The following QSER1 variants were observed in gnomAD, a reference collection of about 807,000 sequenced individuals.
QSER1 encodes glutamine and serine-rich protein 1.
In QSER1, 49 loss-of-function variants were observed where a neutral mutation model predicts 158.5. That is an observed-to-expected ratio of 0.31 (90% CI 0.25 to 0.39). The LOEUF (loss-of-function observed/expected upper bound fraction) is 0.39. Among genes scored for constraint, QSER1 ranks in the 10% least tolerant of loss-of-function variants. The pLI, the probability that QSER1 is intolerant of heterozygous loss-of-function variation, is 1.00. For synonymous variants in QSER1, 650 were observed against 715.5 expected (o/e 0.91, Z 1.46); for missense variants, 1,754 against 2,010.3 (o/e 0.87, Z 2.44).
rs1590168533 is a variant in QSER1 at position 32,935,403 on chromosome 11, T to C, written c.4145T>C (p.Leu1382Ser). The C allele has an allele frequency of 6.5e-7, 1 of 1,539,942 alleles. No individual in the cohort carries two copies. The highest frequency in any genetic ancestry group is 8.7e-7 in the Non-Finnish European group (1 of 1,151,482). ...YKSVSTPLTT[L>S]DATSDKKKKT... ...AGCGTCTCTACTCCCTTAACTACTT[T>C]GGATGCTACTTCTGATAAAAAGAAG... Residue 1382 changes from leucine (L) to serine (S), a missense_variant, in exon 4 of 13, where the codon TTG becomes TCG. Physicochemically the swap from Leu to Ser is moderately radical, Grantham distance 145. Coordinates refer to ENST00000650167, the MANE Select transcript of QSER1 (RefSeq NM_001076786.3).
At position 32,955,371 on chromosome 11, in the gene QSER1, G is replaced by A. The variant is rs1852493497; in HGVS notation, c.4576G>A (p.Glu1526Lys). The A allele has an allele frequency of 2.5e-6, 4 of 1,598,932 alleles. No homozygotes were observed. The highest frequency in any genetic ancestry group is 3.5e-5 in the Admixed American group (2 of 56,664). Residue 1526 changes from glutamate to lysine, a missense_variant, in exon 6 of 13, where the codon GAA (glutamate) becomes AAA (lysine). By Grantham distance (56) the Glu-to-Lys change is moderately conservative. This residue lies in a region of QSER1 where 1,707 missense variants were observed against 1,919.6 expected (regional missense o/e 0.89). Coordinates refer to ENST00000650167, the MANE Select transcript of QSER1 (RefSeq NM_001076786.3). Reference sequence around the variant, plus strand: ...AGCTTTATTACAGAAATTTGTTCCTGAAATTCGAGATGGTCAAAGAGAATT... The same window carrying A: ...AGCTTTATTACAGAAATTTGTTCCTAAAATTCGAGATGGTCAAAGAGAATT... ...QKALLQKFVP[E>K]IRDGQREFAA...
Position 32,933,073 on chromosome 11 carries a change from T to C in QSER1, c.1815T>C (p.Ser605=). The C allele has an allele frequency of 6.2e-7, 1 of 1,613,858 alleles. No homozygotes were observed. The highest frequency in any genetic ancestry group is 1.1e-5 in the South Asian group (1 of 91,084). ...TAACAGCCCCTTCTCTTTCTTATTC[T>C]TCTGCCTCTCGGGCTCAGAATTTGC... is the stretch of plus-strand genomic sequence containing the variant. The part of the protein sequence containing the change: ...LTLTAPSLSY[S]SASRAQNLPD... The change falls in exon 4 of 13, where the codon TCT becomes TCC. Residue 605 remains serine, a synonymous_variant. Transcript: ENST00000650167.
intron 1 of QSER1, among the ~76,000 whole-genome samples, chr11:32,920,318 T>C (rs1851884705): frequency 6.6e-6 from 1 of 152,214 alleles, no homozygotes; most frequent in East Asian, 1.9e-4. Flanking sequence ...CATTATACTT[T>C]GAGTAGCAAA....
At chr11:32,963,656 C>T (rs911801006) in intron 8 of QSER1, among the ~76,000 whole-genome samples, 11 of 150,868 alleles carry the variant, frequency 7.3e-5, no homozygotes, top group African/African-American at 2.4e-4. Flanking sequence ...CAGCCTTGCC[C>T]AGGCTCTTTT....
At chr11:32,962,558 G>C (rs1418760551) in intron 8 of QSER1, among the ~76,000 whole-genome samples, 1 of 151,968 alleles carries the variant, frequency 6.6e-6, no homozygotes, top group African/African-American at 2.4e-5. Flanking sequence ...TTGTTACTCA[G>C]CTTTTGTTCA....
chr11:32,904,548 A>G (rs1175705601), intron 1 of QSER1, among the ~76,000 whole-genome samples: 1 of 151,298 alleles, frequency 6.6e-6, no homozygotes, highest in Non-Finnish European at 1.5e-5. Context: ...TGGATGCTGT[A>G]TAATATGAAG....
At chr11:32,967,342 G>C (rs1039705720) in intron 9 of QSER1, among the ~76,000 whole-genome samples, 3 of 152,022 alleles carry the variant, frequency 2.0e-5, no homozygotes, top group Admixed American at 6.6e-5. Context: ...GGTGAGAAAG[G>C]GGTAAGGGAT....
chr11:32,930,139 T>C lies in QSER1; in HGVS notation c.485-1604T>C, dbSNP rs146410049. 3.5e-3 allele frequency among the ~76,000 whole-genome samples: 538 copies of C among 152,306 alleles called. 1 individual carries two copies. Among genetic ancestry groups the C allele is most frequent in the South Asian group, 7.0e-3 (34 of 4,826 alleles). ...TTTATTACTGTTTACTTATTATGTT[T>C]TAAACCCCCCACCGCAACACACACA... On this transcript the variant is annotated intron_variant, in intron 3 of 12. Coordinates refer to ENST00000650167, the MANE Select transcript of QSER1 (RefSeq NM_001076786.3).
At chr11:32,917,821 CAAA>C (rs371007117) in intron 1 of QSER1, among the ~76,000 whole-genome samples, 2 of 80,816 alleles carry the variant, frequency 2.5e-5, no homozygotes, top group Non-Finnish European at 4.4e-5. Context: ...GACTCTGTCT[CAAA>C]AAAAAAAAAA....
At chr11:32,938,297 A>G (rs975369119) in intron 4 of QSER1, among the ~76,000 whole-genome samples, 1 of 152,194 alleles carries the variant, frequency 6.6e-6, no homozygotes, top group African/African-American at 2.4e-5. Flanking sequence ...TTATACTGCA[A>G]TCATCTTTGT....
intron 8 of QSER1, among the ~76,000 whole-genome samples, chr11:32,960,525 C>T (rs1400296082): frequency 2.0e-5 from 3 of 152,102 alleles, no homozygotes; most frequent in East Asian, 1.9e-4. Flanking sequence ...CGCTATTGCA[C>T]TCCAGCCTTG....
intron 9 of QSER1, among the ~76,000 whole-genome samples, 186 bp from the exon 10 acceptor site, chr11:32,968,859 CT>C (rs1396253415): frequency 7.9e-5 from 12 of 152,190 alleles, no homozygotes; most frequent in African/African-American, 2.7e-4. Flanking sequence ...TCACTTGCTA[CT>C]ATAAACCTAC....
chr11:32,959,032 T>C (rs1184190647), intron 8 of QSER1, among the ~76,000 whole-genome samples: 1 of 152,216 alleles, frequency 6.6e-6, no homozygotes, highest in Non-Finnish European at 1.5e-5. Context: ...AAAACTGAGA[T>C]AGTTGTAATA....
intron 6 of QSER1, 42 bp downstream of exon 6, chr11:32,955,454 G>A: frequency 2.2e-6 from 2 of 919,706 alleles, no homozygotes; most frequent in Non-Finnish European, 3.4e-6. Context: ...TTTTGACAGT[G>A]GTCCTGAGAA....
intron 10 of QSER1, among the ~76,000 whole-genome samples, chr11:32,971,296 A>T (rs1852851197): frequency 6.6e-6 from 1 of 152,070 alleles, no homozygotes; most frequent in Non-Finnish European, 1.5e-5. Context: ...AATAGTAGAG[A>T]AAGAAAGATT....
chr11:32,917,052 G>A (rs1433668129), intron 1 of QSER1, among the ~76,000 whole-genome samples: 3 of 152,230 alleles, frequency 2.0e-5, no homozygotes, highest in Non-Finnish European at 2.9e-5. Flanking sequence ...CTCCCGCAGT[G>A]CTGGGATTAC....
At chr11:32,911,294 G>A (rs908121908) in intron 1 of QSER1, among the ~76,000 whole-genome samples, 9 of 152,068 alleles carry the variant, frequency 5.9e-5, no homozygotes, top group Non-Finnish European at 1.2e-4. Context: ...GGGGGTGGTG[G>A]GGGAAGACGG....
chr11:32,907,949 A>T (rs1388499783), intron 1 of QSER1, among the ~76,000 whole-genome samples: 1 of 152,082 alleles, frequency 6.6e-6, no homozygotes, highest in Non-Finnish European at 1.5e-5. Context: ...AAAAATACAT[A>T]ATTAGCTGAG....
At chr11:32,951,503 A>G (rs1461306103) in intron 4 of QSER1, among the ~76,000 whole-genome samples, 2 of 152,188 alleles carry the variant, frequency 1.3e-5, no homozygotes, top group African/African-American at 4.8e-5. Flanking sequence ...GGTTGATTCC[A>G]TAGGTCAGTT....
Sources: allele counts gnomAD v4.1 joint callset (sites outside exome capture counted in the v4.1 genomes callset), GRCh38; gene constraint gnomAD v4.1.1; regional missense constraint gnomAD v4.1.1; transcripts MANE v1.5; gene names NCBI Gene and HGNC (gene_info 2026-07-23, HGNC 2026-07-21).